The following TAOK3 variants were observed in gnomAD, a reference collection of about 807,000 sequenced individuals.
TAOK3 encodes the protein serine/threonine-protein kinase TAO3.
In TAOK3, 40 loss-of-function variants were observed where a neutral mutation model predicts 120.4. The observed-to-expected ratio is 0.33, with a 90% CI of 0.26 to 0.43. The LOEUF is 0.43. TAOK3 is among the 20% of genes least tolerant of loss of function. The pLI, the probability that TAOK3 is intolerant of heterozygous loss-of-function variation, is 1.00. For synonymous variants in TAOK3, 355 were observed against 387.5 expected, an observed-to-expected ratio of 0.92 and a Z score of 0.99; for missense variants, 821 against 1,112.1, an observed-to-expected ratio of 0.74 and a Z score of 3.72.
intron 9 of TAOK3, among the ~76,000 whole-genome samples, chr12:118,220,612 G>A (rs977834771): frequency 1.3e-5 from 2 of 151,722 alleles, no homozygotes; most frequent in East Asian, 3.9e-4. Flanking sequence ...AGGGAAAGGA[G>A]ACTGAAGCAA....
chr12:118,189,767 G>C (rs764752805), intron 14 of TAOK3, 40 bp downstream of exon 14: 6 of 1,611,740 alleles, frequency 3.7e-6, no homozygotes, highest in Non-Finnish European at 4.2e-6. Flanking sequence ...ATGGGGAGGA[G>C]GGGAAGGAAG....
intron 11 of TAOK3, among the ~76,000 whole-genome samples, chr12:118,210,436 A>T (rs2038562199): frequency 6.6e-6 from 1 of 152,130 alleles, no homozygotes. Flanking sequence ...GTTCCTGAAG[A>T]GGTAGGTCTG....
At chr12:118,323,818 CAG>C (rs1240464420) in intron 1 of TAOK3, among the ~76,000 whole-genome samples, 2 of 152,062 alleles carry the variant, frequency 1.3e-5, no homozygotes, top group East Asian at 3.8e-4. Flanking sequence ...CAGGAGAACA[CAG>C]GGATCTTGTA....
At chr12:118,193,104 G>GT (rs1284055307) in intron 13 of TAOK3, among the ~76,000 whole-genome samples, 1 of 137,404 alleles carries the variant, frequency 7.3e-6, no homozygotes, top group East Asian at 2.2e-4. Flanking sequence ...AGGCTGGAGT[G>GT]TAGTGGCACT....
chr12:118,250,676 GTACC>G (rs982424312), intron 3 of TAOK3, among the ~76,000 whole-genome samples: 1 of 152,108 alleles, frequency 6.6e-6, no homozygotes, highest in African/African-American at 2.4e-5. Context: ...AATATGCCCA[GTACC>G]TATCTCTCCT....
At chr12:118,247,548 T>C (rs1238496922) in intron 3 of TAOK3, among the ~76,000 whole-genome samples, 1 of 152,144 alleles carries the variant, frequency 6.6e-6, no homozygotes, top group African/African-American at 2.4e-5. Flanking sequence ...AGGATCTTGC[T>C]CTGTCATCCA....
At chr12:118,190,270 T>C (rs1454370587) in intron 13 of TAOK3, 1 of 186,882 alleles carries the variant, frequency 5.4e-6, no homozygotes, top group Admixed American at 5.9e-5. Context: ...CTTAAAACGC[T>C]GTAACCAGAT....
intron 2 of TAOK3, 114 bp from the exon 3 acceptor site, chr12:118,255,769 G>C: frequency 2.0e-6 from 1 of 510,258 alleles, no homozygotes; most frequent in Non-Finnish European, 3.2e-6. Flanking sequence ...ATAACAAAAG[G>C]ACAAAAAAAC....
chr12:118,172,763 G>A (rs886601813), intron 16 of TAOK3, 103 bp from the exon 17 acceptor site: 3 of 1,074,042 alleles, frequency 2.8e-6, no homozygotes, highest in Non-Finnish European at 4.2e-6. Flanking sequence ...CAATGCAGAT[G>A]TAAGCACAGA....
At chr12:118,366,124 C>T (rs1342383932) in intron 1 of TAOK3, among the ~76,000 whole-genome samples, 3 of 151,992 alleles carry the variant, frequency 2.0e-5, no homozygotes, top group African/African-American at 7.2e-5. Flanking sequence ...ATTAGCCAGG[C>T]GTGGTGGTTG....
chr12:118,256,623 A>G (rs551835315), intron 2 of TAOK3, among the ~76,000 whole-genome samples: 2 of 152,372 alleles, frequency 1.3e-5, no homozygotes, highest in East Asian at 3.9e-4. Context: ...CCTTGTAAAA[A>G]TTATGCCAAA....
chr12:118,246,538 G>A, intron 3 of TAOK3: 4 of 1,547,232 alleles, frequency 2.6e-6, no homozygotes, highest in Non-Finnish European at 3.5e-6. Context: ...ACCGCCATCC[G>A]TGGGGCCATC....
chr12:118,333,347 T>A (rs1371105931), intron 1 of TAOK3, among the ~76,000 whole-genome samples: 1 of 152,186 alleles, frequency 6.6e-6, no homozygotes, highest in Non-Finnish European at 1.5e-5. Context: ...AGGAAAGTCT[T>A]CAAACATTTG....
chr12:118,169,015 TTC>T (rs2035808827), intron 17 of TAOK3, among the ~76,000 whole-genome samples: 2 of 151,066 alleles, frequency 1.3e-5, no homozygotes, highest in African/African-American at 2.4e-5. Flanking sequence ...CTTTCTTTCT[TTC>T]TTTCTATTTT....
chr12:118,190,690 C>CTGTCCT (rs1565924590), intron 13 of TAOK3: 1 of 152,196 alleles, frequency 6.6e-6, no homozygotes, highest in Non-Finnish European at 1.5e-5. Context: ...ATGTCCTTGA[C>CTGTCCT]TGATTTAATC....
At chr12:118,215,420 G>A (rs2038850216) in intron 9 of TAOK3, among the ~76,000 whole-genome samples, 1 of 151,506 alleles carries the variant, frequency 6.6e-6, no homozygotes, top group Non-Finnish European at 1.5e-5. Context: ...GCTGAGGCAG[G>A]AGAATGGCAT....
At chr12:118,202,943 C>G (rs2139307501) in intron 11 of TAOK3, among the ~76,000 whole-genome samples, 1 of 151,958 alleles carries the variant, frequency 6.6e-6, no homozygotes, top group Non-Finnish European at 1.5e-5. Context: ...CCATGCCTGG[C>G]TAATTTTTGT....
intron 1 of TAOK3, among the ~76,000 whole-genome samples, chr12:118,356,295 CTTT>C (rs949021724): frequency 1.6e-3 from 171 of 109,284 alleles, no homozygotes; most frequent in Middle Eastern, 5.4e-3. Flanking sequence ...TGGTCACTTT[CTTT>C]TTTTTTTTTT....
intron 10 of TAOK3, among the ~76,000 whole-genome samples, chr12:118,213,685 A>G (rs1241161444): frequency 6.6e-6 from 1 of 152,126 alleles, no homozygotes; most frequent in Non-Finnish European, 1.5e-5. Flanking sequence ...TCTGCTGAGA[A>G]GTGATATCAG....
Sources: gnomAD v4.1 joint callset for allele counts (sites outside exome capture counted in the v4.1 genomes callset) on GRCh38, gnomAD v4.1.1 for gene constraint, MANE v1.5 for transcripts, NCBI Gene and HGNC (gene_info 2026-07-23, HGNC 2026-07-21) for gene names.